XRN1: variants seen among roughly 807,000 people sequenced by gnomAD.
XRN1 encodes the protein strand-exchange protein 1 homolog.
In XRN1, 67 loss-of-function variants were observed where a neutral mutation model predicts 222.3. That is an observed-to-expected ratio of 0.30 (90% CI 0.25 to 0.37). The LOEUF (loss-of-function observed/expected upper bound fraction) is 0.37, where lower values mean the gene tolerates loss of function less well. Ranked by LOEUF, XRN1 falls within the 10% of genes least tolerant of loss-of-function variation. XRN1 has a pLI of 1.00. For synonymous variants in XRN1, 643 were observed against 652.4 expected, an observed-to-expected ratio of 0.99 and a Z score of 0.22; for missense variants, 1,707 against 2,000.2, an observed-to-expected ratio of 0.85 and a Z score of 2.80.
At chr3:142,325,683 C>T (rs1006858787) in intron 37 of XRN1, among the ~76,000 whole-genome samples, 3 of 151,860 alleles carry the variant, frequency 2.0e-5, no homozygotes, top group Non-Finnish European at 4.4e-5. Context: ...GATGTGATAC[C>T]GTTTATGCAT....
At chr3:142,360,714 A>T (rs950985605) in intron 29 of XRN1, among the ~76,000 whole-genome samples, 10 of 129,596 alleles carry the variant, frequency 7.7e-5, no homozygotes, top group African/African-American at 3.9e-4. Flanking sequence ...AATAAAAAAT[A>T]AAAAAAAAAA....
chr3:142,416,207 T>G (rs1438017821), intron 13 of XRN1, among the ~76,000 whole-genome samples: 1 of 152,176 alleles, frequency 6.6e-6, no homozygotes, highest in Non-Finnish European at 1.5e-5. Flanking sequence ...GACAGAGTCT[T>G]GTTCTGCTGC....
chr3:142,394,070 G>A (rs572563050), intron 20 of XRN1, among the ~76,000 whole-genome samples: 2 of 152,144 alleles, frequency 1.3e-5, no homozygotes, highest in South Asian at 4.2e-4. Flanking sequence ...CAAGAGATCT[G>A]CCCATCTTGG....
At chr3:142,369,345 A>C (rs1352574346) in intron 27 of XRN1, among the ~76,000 whole-genome samples, 1 of 152,192 alleles carries the variant, frequency 6.6e-6, no homozygotes, top group Non-Finnish European at 1.5e-5. Context: ...TGAGTGTATG[A>C]GTAAGAAAAG....
intron 20 of XRN1, among the ~76,000 whole-genome samples, chr3:142,389,994 A>G (rs1050519829): frequency 1.3e-5 from 2 of 152,248 alleles, no homozygotes; most frequent in Non-Finnish European, 2.9e-5. Flanking sequence ...TGCACTGTCA[A>G]TGAACAGTAA....
At chr3:142,384,744 C>A in intron 20 of XRN1, 59 bp from the exon 21 acceptor site, 1 of 1,298,298 alleles carries the variant, frequency 7.7e-7, no homozygotes, top group East Asian at 2.5e-5. Context: ...TATTCTAGGA[C>A]GATAATCGTC....
chr3:142,334,378 T>C (rs1285043549), intron 34 of XRN1, among the ~76,000 whole-genome samples: 1 of 151,792 alleles, frequency 6.6e-6, no homozygotes, highest in Non-Finnish European at 1.5e-5. Flanking sequence ...AGAGATCAAT[T>C]TAAAAAAATA....
At chr3:142,326,220 T>A in intron 37 of XRN1, among the ~76,000 whole-genome samples, 1 of 152,004 alleles carries the variant, frequency 6.6e-6, no homozygotes, top group Non-Finnish European at 1.5e-5. Flanking sequence ...TTGCACTGTA[T>A]CTGCAGATTG....
chr3:142,326,785 AG>A (rs1273399680), intron 37 of XRN1, among the ~76,000 whole-genome samples: 1 of 152,168 alleles, frequency 6.6e-6, no homozygotes, highest in East Asian at 1.9e-4. Flanking sequence ...TATTATGTTG[AG>A]GTATGTTCCT....
chr3:142,351,289 C>T (rs2066298167), intron 32 of XRN1, among the ~76,000 whole-genome samples: 4 of 151,992 alleles, frequency 2.6e-5, no homozygotes, highest in African/African-American at 9.7e-5. Flanking sequence ...AAACAACAGC[C>T]AATGAGACAG....
chr3:142,437,090 A>G (rs2069946953), intron 1 of XRN1, among the ~76,000 whole-genome samples: 1 of 152,188 alleles, frequency 6.6e-6, no homozygotes, highest in Admixed American at 6.5e-5. Flanking sequence ...TCATTGGCCA[A>G]TGTGTTGAAT....
intron 1 of XRN1, among the ~76,000 whole-genome samples, chr3:142,434,568 A>G (rs1459966388): frequency 2.0e-5 from 3 of 149,548 alleles, no homozygotes; most frequent in African/African-American, 7.4e-5. Context: ...TTCCTAGGAG[A>G]ATAAATATGC....
intron 29 of XRN1, among the ~76,000 whole-genome samples, chr3:142,363,631 C>T (rs1476445452): frequency 6.6e-6 from 1 of 151,722 alleles, no homozygotes; most frequent in African/African-American, 2.4e-5. Context: ...GTAAAGTTTA[C>T]TCTAGCTTTG....
chr3:142,432,998 G>T, intron 1 of XRN1, 105 bp from the exon 2 acceptor site: 1 of 855,922 alleles, frequency 1.2e-6, no homozygotes, highest in Non-Finnish European at 1.8e-6. Flanking sequence ...CAGGATTTGT[G>T]TATTCTATTA....
chr3:142,372,172 T>C (rs995311352), intron 25 of XRN1, among the ~76,000 whole-genome samples: 1 of 152,138 alleles, frequency 6.6e-6, no homozygotes, highest in Admixed American at 6.6e-5. Flanking sequence ...AGCGTATATT[T>C]TAGAGAGGTC....
intron 2 of XRN1, among the ~76,000 whole-genome samples, chr3:142,431,962 AATATAATATATTGTATATATT>A (rs1201506801): frequency 0.085 from 7,864 of 92,552 alleles, 457 homozygotes; most frequent in Non-Finnish European, 0.11. Context: ...TATTATATAT[AATATAATATATTGTATATATT>A]ATATAATATA....
chr3:142,392,729 G>A (rs1262248665), intron 20 of XRN1, among the ~76,000 whole-genome samples: 1 of 151,676 alleles, frequency 6.6e-6, no homozygotes, highest in African/African-American at 2.4e-5. Context: ...TATCATTGTT[G>A]GACATTTGGG....
At chr3:142,427,600 T>C (rs1243026293) in intron 2 of XRN1, among the ~76,000 whole-genome samples, 1 of 152,212 alleles carries the variant, frequency 6.6e-6, no homozygotes, top group East Asian at 1.9e-4. Flanking sequence ...ATTATAAAAT[T>C]GAAATATCTA....
chr3:142,376,036 T>G, intron 24 of XRN1, 92 bp from the exon 25 acceptor site: 1 of 1,421,230 alleles, frequency 7.0e-7, no homozygotes, highest in Non-Finnish European at 9.2e-7. Flanking sequence ...ACAAAAAGTT[T>G]TGCTTTCAAT....
Sources: allele counts gnomAD v4.1 joint callset (sites outside exome capture counted in the v4.1 genomes callset), GRCh38; gene constraint gnomAD v4.1.1; transcripts MANE v1.5; gene names NCBI Gene and HGNC (gene_info 2026-07-23, HGNC 2026-07-21).